The following PKIB variants were observed in gnomAD, a reference collection of about 807,000 sequenced individuals.
PKIB encodes cAMP-dependent protein kinase inhibitor beta.
Under a neutral mutation model 4.5 loss-of-function variants are expected in PKIB, and 2 were observed. That is an observed-to-expected ratio of 0.44 (90% CI 0.18 to 1.39). The LOEUF is 1.39. Among genes scored for constraint, PKIB ranks in the 40% most tolerant of loss-of-function variants. The probability of loss-of-function intolerance (pLI) is 0.27; values close to 1 mark genes in which losing one functional copy is unlikely to be tolerated. For synonymous variants in PKIB, 38 were observed against 36.0 expected (o/e 1.06, Z -0.20); for missense variants, 94 against 92.6 (o/e 1.02, Z -0.06).
intron 2 of PKIB, among the ~76,000 whole-genome samples, chr6:122,658,983 G>C (rs1776883711): frequency 6.6e-6 from 1 of 151,526 alleles, no homozygotes; most frequent in East Asian, 1.9e-4. Context: ...TAAACAGTAA[G>C]CTTGAATTAT....
intron 2 of PKIB, chr6:122,482,869 T>G (rs1775663558): frequency 6.6e-6 from 1 of 152,138 alleles, no homozygotes; most frequent in Admixed American, 6.6e-5. Context: ...GGATTTAAAG[T>G]CCAACTGCAC....
intron 3 of PKIB, among the ~76,000 whole-genome samples, chr6:122,698,399 A>G (rs551024273): frequency 6.6e-6 from 1 of 152,108 alleles, no homozygotes; most frequent in Non-Finnish European, 1.5e-5. Flanking sequence ...GGCCAGATTC[A>G]TGGGGGTGCT....
chr6:122,483,120 T>C lies in PKIB; in HGVS notation c.-248+5181T>C, dbSNP rs552496999. ...GTGGAGACTATTTTTTTAAAAGAAT[T>C]ATTTGTCGAAGTATTACATTTTTAG... On this transcript the variant is annotated intron_variant, in intron 2 of 6. Transcript: ENST00000392491. 4.6e-5 allele frequency: 7 copies of C among 152,292 alleles called. No homozygotes were observed. The East Asian group carries it at 1.3e-3, about 29-fold the overall frequency. The allele number at this position is 152,292 out of a possible 1,614,324, so 9.4% of individuals were successfully genotyped here.
At chr6:122,717,681 C>A in intron 3 of PKIB, 106 bp from the exon 4 acceptor site, 1 of 1,063,760 alleles carries the variant, frequency 9.4e-7, no homozygotes, top group Non-Finnish European at 1.4e-6. Flanking sequence ...AATGATTAGA[C>A]TCTCAAGCCT....
intron 1 of PKIB, among the ~76,000 whole-genome samples, chr6:122,633,048 G>C (rs1775762964): frequency 6.6e-6 from 1 of 152,146 alleles, no homozygotes; most frequent in Non-Finnish European, 1.5e-5. Context: ...ATTTATCTGG[G>C]TGTATGGAGC....
chr6:122,654,924 G>A (rs748516208), intron 2 of PKIB, among the ~76,000 whole-genome samples: 18 of 151,922 alleles, frequency 1.2e-4, no homozygotes, highest in Admixed American at 2.6e-4. Flanking sequence ...ATTACTTTTG[G>A]CCTTCATGTT....
intron 2 of PKIB, among the ~76,000 whole-genome samples, chr6:122,488,004 TAGTA>T (rs2114531433): frequency 6.6e-6 from 1 of 152,312 alleles, no homozygotes; most frequent in East Asian, 1.9e-4. Flanking sequence ...TTTCTCTCTT[TAGTA>T]AGTATTTTGG....
At chr6:122,686,603 TC>T (rs1415574341) in intron 3 of PKIB, among the ~76,000 whole-genome samples, 2 of 151,844 alleles carry the variant, frequency 1.3e-5, no homozygotes, top group Admixed American at 1.3e-4. Flanking sequence ...GCTCAAGCAG[TC>T]CCCCCACCTC....
At chr6:122,503,161 G>A (rs1330589529) in intron 2 of PKIB, among the ~76,000 whole-genome samples, 3 of 152,092 alleles carry the variant, frequency 2.0e-5, no homozygotes, top group South Asian at 4.1e-4. Flanking sequence ...GATTACCCAC[G>A]AAAGACCCCA....
upstream of PKIB, among the ~76,000 whole-genome samples, chr6:122,607,076 TA>T (rs567585689): frequency 2.6e-4 from 38 of 143,510 alleles, no homozygotes; most frequent in African/African-American, 3.3e-4. Flanking sequence ...GTCCCCTTGG[TA>T]AAAAAAAAAA....
At chr6:122,486,307 A>G (rs1775765873) in intron 2 of PKIB, among the ~76,000 whole-genome samples, 2 of 152,154 alleles carry the variant, frequency 1.3e-5, no homozygotes, top group African/African-American at 2.4e-5. Flanking sequence ...TCGCAATTCA[A>G]TTATTGTTAT....
intron 2 of PKIB, among the ~76,000 whole-genome samples, chr6:122,649,657 C>T (rs1188151911): frequency 6.6e-6 from 1 of 152,182 alleles, no homozygotes; most frequent in Non-Finnish European, 1.5e-5. Context: ...CGTTAAAATG[C>T]TTGGTGGGTC....
At chr6:122,711,938 T>C (rs893669708) in intron 3 of PKIB, among the ~76,000 whole-genome samples, 5 of 152,140 alleles carry the variant, frequency 3.3e-5, no homozygotes, top group African/African-American at 1.2e-4. Flanking sequence ...CATTAAAAAA[T>C]GTGCGTGTCA....
chr6:122,596,757 T>C (rs540002441), intron 3 of PKIB, among the ~76,000 whole-genome samples: 16 of 152,288 alleles, frequency 1.1e-4, no homozygotes, highest in African/African-American at 3.8e-4. Flanking sequence ...ACAGCATCCC[T>C]AGTTGCCACT....
chr6:122,514,414 C>T (rs1473374951), intron 2 of PKIB, among the ~76,000 whole-genome samples: 1 of 152,078 alleles, frequency 6.6e-6, no homozygotes, highest in African/African-American at 2.4e-5. Flanking sequence ...ACTCAGGCCA[C>T]AAAGAAGTCA....
intron 2 of PKIB, among the ~76,000 whole-genome samples, chr6:122,563,697 A>AT (rs1283331531): frequency 6.6e-6 from 1 of 152,058 alleles, no homozygotes; most frequent in African/African-American, 2.4e-5. Context: ...ACCTAGGAAG[A>AT]TTATGCCTGC....
At chr6:122,541,053 T>A (rs1353570846) in intron 2 of PKIB, among the ~76,000 whole-genome samples, 6 of 150,742 alleles carry the variant, frequency 4.0e-5, no homozygotes, top group Middle Eastern at 3.4e-3. Flanking sequence ...TCCTCCATCC[T>A]TTTATTTTGA....
chr6:122,507,158 T>C (rs952621573), intron 2 of PKIB, among the ~76,000 whole-genome samples: 5 of 152,186 alleles, frequency 3.3e-5, no homozygotes, highest in Non-Finnish European at 5.9e-5. Context: ...TTTTTTATTA[T>C]GACCTGGAAT....
At chr6:122,682,944 C>T (rs1482495035) in intron 3 of PKIB, among the ~76,000 whole-genome samples, 1 of 152,176 alleles carries the variant, frequency 6.6e-6, no homozygotes, top group African/African-American at 2.4e-5. Context: ...AACATCATTA[C>T]TAGAGTTCAT....
Sources: gnomAD v4.1 joint callset for allele counts (sites outside exome capture counted in the v4.1 genomes callset) on GRCh38, gnomAD v4.1.1 for gene constraint, MANE v1.5 for transcripts, NCBI Gene and HGNC (gene_info 2026-07-23, HGNC 2026-07-21) for gene names.